The following ARFGEF3 variants were observed in gnomAD, a reference collection of about 807,000 sequenced individuals.
ARFGEF3 encodes the protein brefeldin A-inhibited guanine nucleotide-exchange protein 3.
Under a neutral mutation model 221.7 loss-of-function variants are expected in ARFGEF3, and 96 were observed. The observed-to-expected ratio is 0.43, with a 90% CI of 0.37 to 0.51. The LOEUF (loss-of-function observed/expected upper bound fraction) is 0.51, where lower values mean the gene tolerates loss of function less well. Ranked by LOEUF, ARFGEF3 falls within the 20% of genes least tolerant of loss-of-function variation. ARFGEF3 has a pLI of 0.00. For synonymous variants in ARFGEF3, 1,145 were observed against 1,126.8 expected (o/e 1.02, Z -0.32); for missense variants, 2,410 against 2,789.9 (o/e 0.86, Z 3.07).
At chr6:138,336,123 A>G (rs1780316881) in intron 33 of ARFGEF3, among the ~76,000 whole-genome samples, 172 bp from the exon 34 acceptor site, 1 of 152,228 alleles carries the variant, frequency 6.6e-6, no homozygotes, top group Non-Finnish European at 1.5e-5. Flanking sequence ...TGATGTAGGC[A>G]TAATAAATTA....
At chr6:138,322,285 A>G (rs1466547121) in intron 29 of ARFGEF3, among the ~76,000 whole-genome samples, 1 of 152,180 alleles carries the variant, frequency 6.6e-6, no homozygotes, top group African/African-American at 2.4e-5. Flanking sequence ...GACTGCAACT[A>G]TACGACTGGC....
At chr6:138,230,069 G>A (rs1016494103) in intron 5 of ARFGEF3, among the ~76,000 whole-genome samples, 7 of 152,096 alleles carry the variant, frequency 4.6e-5, no homozygotes, top group South Asian at 2.1e-4. Context: ...GCATGCTTAC[G>A]TTTGCTTCAC....
At chr6:138,239,090 TTCTC>T (rs971788145) in intron 6 of ARFGEF3, among the ~76,000 whole-genome samples, 45 of 152,212 alleles carry the variant, frequency 3.0e-4, no homozygotes, top group African/African-American at 1.1e-3. Context: ...TAAACTTGTC[TTCTC>T]TCTATCATCA....
At chr6:138,297,028 C>A in intron 21 of ARFGEF3, 73 bp downstream of exon 21, 1 of 1,513,086 alleles carries the variant, frequency 6.6e-7, no homozygotes, top group Non-Finnish European at 8.9e-7. Flanking sequence ...TGGGGGCCTG[C>A]AGTCATGTAT....
chr6:138,278,592 G>A lies in ARFGEF3; in HGVS notation c.2270G>A (p.Arg757Gln), dbSNP rs150705933. 1.2e-5 allele frequency: 20 copies of A among 1,613,914 alleles called. No individual in the cohort carries two copies. Among genetic ancestry groups the A allele is most frequent in the Non-Finnish European group, 1.4e-5 (17 of 1,179,876 alleles). Residue 757 changes from arginine (R) to glutamine (Q), a missense_variant, in exon 13 of 34, where the codon CGG becomes CAG. Around this residue, in one of 5 missense-constraint regions of ARFGEF3, gnomAD observed 594 missense variants for 734.3 expected, o/e 0.81. Coordinates refer to ENST00000251691, the MANE Select transcript of ARFGEF3 (RefSeq NM_020340.5). ...TCCCACGGTGACTACTACAGGAAGC[G>A]GCCGACCCTGGCGCCAGGCGTGATG... ...KLSHGDYYRK[R>Q]PTLAPGVMKD...
intron 31 of ARFGEF3, among the ~76,000 whole-genome samples, chr6:138,327,037 T>TG (rs1780138416): frequency 6.6e-6 from 1 of 152,006 alleles, no homozygotes; most frequent in African/African-American, 2.4e-5. Flanking sequence ...CACTTATAAG[T>TG]GGGAGCTGAT....
At position 138,253,909 on chromosome 6, in the gene ARFGEF3, T is replaced by C; in HGVS notation, c.695T>C (p.Leu232Pro). 3 of 1,592,560 alleles carry C rather than the reference T, an allele frequency of 1.9e-6. No individual in the cohort carries two copies. Among genetic ancestry groups the C allele is most frequent in the Non-Finnish European group, 2.6e-6 (3 of 1,169,554 alleles). The stretch of plus-strand genomic sequence containing the variant: ...AGCCAGCAGCTGCAGCTTCTCTACC[T>C]GGAGTGCATCCTGTCTGTGCTCAGC... ...NDSQQLQLLY[L>P]ECILSVLSSS... Residue 232 changes from leucine to proline, a missense_variant, in exon 9 of 34, where the codon CTG (leucine) becomes CCG (proline). Around this residue, in one of 5 missense-constraint regions of ARFGEF3, gnomAD observed 570 missense variants for 586.9 expected, o/e 0.97. Coordinates refer to ENST00000251691, the MANE Select transcript of ARFGEF3 (RefSeq NM_020340.5).
chr6:138,255,425 T>A lies in ARFGEF3; in HGVS notation c.771-11T>A, dbSNP rs1778657633. The A allele has an allele frequency of 6.4e-7, 1 of 1,564,040 alleles. No homozygotes were observed. The highest frequency in any genetic ancestry group is 1.4e-5 in the African/African-American group (1 of 73,712). Reference sequence around the variant, plus strand: ...GTGGGGAAAGTTACTTTTCTCACCATCTCTTCCCAGGAAAAACCTCTGCCC... The same window carrying A: ...GTGGGGAAAGTTACTTTTCTCACCAACTCTTCCCAGGAAAAACCTCTGCCC... On this transcript the variant is annotated splice_polypyrimidine_tract_variant and intron_variant, in intron 9 of 33. Coordinates refer to ENST00000251691, the MANE Select transcript of ARFGEF3 (RefSeq NM_020340.5).
chr6:138,294,534 A>C (rs1031163829), intron 20 of ARFGEF3, among the ~76,000 whole-genome samples: 1 of 152,182 alleles, frequency 6.6e-6, no homozygotes, highest in Non-Finnish European at 1.5e-5. Flanking sequence ...ATGCAGAAGC[A>C]ACCACTAATT....
Position 138,336,531 on chromosome 6 carries a change from T to TAG in ARFGEF3, c.*48_*49dup, listed in dbSNP as rs1461331047. The TAG allele has an allele frequency of 2.0e-6, 3 of 1,500,740 alleles. No homozygotes were observed. Among genetic ancestry groups the TAG allele is most frequent in the Non-Finnish European group, 2.7e-6 (3 of 1,105,046 alleles). 93.0% of individuals were successfully genotyped at this position (1,500,740 alleles called of 1,614,324 possible). A position where few individuals can be genotyped will look rare whatever the true frequency, so the allele number is the denominator to read the frequency against. ...CCCACCAAATAACAGTAGTGAGGGT[T>TAG]AGAGTCCTGCCAATACAGCTGTTGC... On this transcript the variant is annotated 3_prime_UTR_variant, in exon 34 of 34. Coordinates refer to ENST00000251691, the MANE Select transcript of ARFGEF3 (RefSeq NM_020340.5).
intron 4 of ARFGEF3, among the ~76,000 whole-genome samples, chr6:138,221,365 A>G (rs1215291732): frequency 6.6e-6 from 1 of 152,226 alleles, no homozygotes; most frequent in Non-Finnish European, 1.5e-5. Context: ...ATTTTAGAAC[A>G]AGAAATGTTT....
At chr6:138,270,559 C>T (rs751522515) in intron 12 of ARFGEF3, among the ~76,000 whole-genome samples, 2 of 152,186 alleles carry the variant, frequency 1.3e-5, no homozygotes, top group Non-Finnish European at 2.9e-5. Context: ...TACTGACCCT[C>T]TCCCTGCATC....
At position 138,218,361 on chromosome 6, in the gene ARFGEF3, T is replaced by A. The variant is rs930895176; in HGVS notation, c.351+8320T>A. On this transcript the variant is annotated intron_variant, in intron 4 of 33. Coordinates refer to ENST00000251691, the MANE Select transcript of ARFGEF3 (RefSeq NM_020340.5). ...TAAAATGTGAATAATATTGTGCATATCCTCATATTTCTGGTTCCTTAAGAA... is the reference window on the plus strand; with the variant it reads ...TAAAATGTGAATAATATTGTGCATAACCTCATATTTCTGGTTCCTTAAGAA... The A allele has an allele frequency of 5.2e-6, 8 of 1,546,088 alleles. No individual in the cohort carries two copies. In the African/African-American group the frequency reaches 9.6e-5, roughly 19 times the overall value.
intron 12 of ARFGEF3, among the ~76,000 whole-genome samples, chr6:138,266,481 C>G (rs190154305): frequency 1.7e-4 from 26 of 152,236 alleles, no homozygotes; most frequent in Admixed American, 9.2e-4. Context: ...TCAAACAATC[C>G]TCCTGCCTTT....
At chr6:138,164,651 C>T (rs953591143) in intron 1 of ARFGEF3, among the ~76,000 whole-genome samples, 4 of 152,258 alleles carry the variant, frequency 2.6e-5, no homozygotes, top group East Asian at 3.9e-4. Context: ...CTATACAAAA[C>T]GGGATTTATT....
At chr6:138,167,388 T>A (rs1029955951) in intron 1 of ARFGEF3, among the ~76,000 whole-genome samples, 3 of 152,190 alleles carry the variant, frequency 2.0e-5, no homozygotes, top group Admixed American at 6.5e-5. Flanking sequence ...ACCCCGCAAC[T>A]TAGCTACCTG....
chr6:138,209,853 C>A, intron 3 of ARFGEF3, 57 bp from the exon 4 acceptor site: 2 of 1,590,094 alleles, frequency 1.3e-6, no homozygotes, highest in South Asian at 2.3e-5. Flanking sequence ...AAGATACAAC[C>A]AAATAAGGCA....
intron 2 of ARFGEF3, among the ~76,000 whole-genome samples, chr6:138,197,521 A>G (rs1432785438): frequency 1.3e-5 from 2 of 152,222 alleles, no homozygotes; most frequent in Non-Finnish European, 2.9e-5. Context: ...CTGGCGGCAC[A>G]GTTGATTTGT....
intron 29 of ARFGEF3, among the ~76,000 whole-genome samples, chr6:138,322,527 T>TA (rs199836264): frequency 0.013 from 1,914 of 152,106 alleles, 38 homozygotes; most frequent in African/African-American, 0.044. Context: ...TATTCAGCCA[T>TA]AAAAAATAAT....
Sources: allele counts gnomAD v4.1 joint callset (sites outside exome capture counted in the v4.1 genomes callset), GRCh38; gene constraint gnomAD v4.1.1; regional missense constraint gnomAD v4.1.1; transcripts MANE v1.5; gene names NCBI Gene and HGNC (gene_info 2026-07-23, HGNC 2026-07-21).